The following PTPRE variants were observed in gnomAD, a reference collection of about 807,000 sequenced individuals.
PTPRE encodes the protein receptor-type tyrosine-protein phosphatase epsilon.
A neutral mutation model predicts 102.0 loss-of-function variants in PTPRE; 51 were observed. The observed-to-expected ratio is 0.50, with a 90% CI of 0.40 to 0.63. PTPRE has a LOEUF of 0.63. PTPRE is among the 30% of genes least tolerant of loss of function. The pLI is 0.00. For missense variants in PTPRE, 752 were observed against 915.1 expected (o/e 0.82, Z 2.30); for synonymous variants, 345 against 348.2 (o/e 0.99, Z 0.10).
chr10:127,977,216 C>A (rs1361194821), intron 1 of PTPRE, among the ~76,000 whole-genome samples: 4 of 152,188 alleles, frequency 2.6e-5, no homozygotes, highest in Non-Finnish European at 5.9e-5. Context: ...GATTGAGGAA[C>A]TTGGCTCCGG....
intron 19 of PTPRE, 76 bp from the exon 20 acceptor site, chr10:128,079,484 G>A: frequency 6.5e-7 from 1 of 1,542,088 alleles, no homozygotes; most frequent in Non-Finnish European, 8.8e-7. Context: ...GATATGCAGG[G>A]GTTGGCTGTC....
chr10:128,066,914 C>CCA (rs1850152625), intron 11 of PTPRE, among the ~76,000 whole-genome samples: 2 of 149,910 alleles, frequency 1.3e-5, no homozygotes, highest in Non-Finnish European at 3.0e-5. Context: ...ACACATACTC[C>CCA]CACACACAGG....
At chr10:128,003,951 C>T (rs557676261) in intron 2 of PTPRE, among the ~76,000 whole-genome samples, 1 of 152,044 alleles carries the variant, frequency 6.6e-6, no homozygotes, top group Admixed American at 6.6e-5. Context: ...GCGCGTCTGC[C>T]AGGACCACAG....
In PTPRE at chr10:128,079,162, C is replaced by T. The variant is rs188131176; in HGVS notation, c.1893-398C>T. On this transcript the variant is annotated intron_variant, in intron 19 of 20. Coordinates refer to ENST00000254667, the MANE Select transcript of PTPRE (RefSeq NM_006504.6). ...TAAGGAGAGGGTATGCCAAGATTAC[C>T]TCCTTCCTAGACCTGAACTGGGAGG... Among the ~76,000 whole-genome samples, 178 of 152,256 alleles carry T rather than the reference C, an allele frequency of 1.2e-3. 2 individuals carry two copies. Among genetic ancestry groups the T allele is most frequent in the Admixed American group, 0.011 (174 of 15,290 alleles).
intron 1 of PTPRE, among the ~76,000 whole-genome samples, chr10:127,940,230 C>T (rs1303833736): frequency 1.3e-5 from 2 of 152,112 alleles, no homozygotes; most frequent in East Asian, 1.9e-4. Flanking sequence ...CAGGACCTCT[C>T]TCTAAACACT....
Position 128,055,906 on chromosome 10 carries a change from C to T in PTPRE, c.421-217C>T, listed in dbSNP as rs147627764. 7.3e-3 allele frequency among the ~76,000 whole-genome samples: 1,110 copies of T among 152,338 alleles called. 11 individuals carry two copies. The highest frequency in any genetic ancestry group is 9.6e-3 in the Non-Finnish European group (651 of 68,038). On this transcript the variant is annotated intron_variant, in intron 6 of 20. Coordinates refer to ENST00000254667, the MANE Select transcript of PTPRE (RefSeq NM_006504.6). The stretch of plus-strand genomic sequence containing the variant: ...CCATCACTTTGGCCACACCACTGTT[C>T]ACCCCACATGAAAGAGCACCCTGGG...
chr10:128,014,273 T>C (rs1031863850), intron 2 of PTPRE, among the ~76,000 whole-genome samples: 5 of 152,190 alleles, frequency 3.3e-5, no homozygotes, highest in Admixed American at 2.6e-4. Flanking sequence ...CTCTGAGTTA[T>C]AAAATATGGA....
chr10:128,040,934 G>C lies in PTPRE; in HGVS notation c.53G>C (p.Arg18Thr), dbSNP rs199705745. Reference protein sequence around the residue: ...LLVGFSLPLARALRGNETTAD... With the variant: ...LLVGFSLPLATALRGNETTAD... Reference sequence around the variant, plus strand: ...GTGGGTTTTAGCTTGCCGCTCGCCAGGGCTCTCAGGGGCAACGAGACCACT... The same window carrying C: ...GTGGGTTTTAGCTTGCCGCTCGCCACGGCTCTCAGGGGCAACGAGACCACT... The change falls in exon 3 of 21, where the codon AGG becomes ACG. Residue 18 changes from arginine to threonine, a missense_variant. Transcript: ENST00000254667. 1.1e-5 allele frequency: 17 copies of C among 1,613,894 alleles called. No individual in the cohort carries two copies. Among genetic ancestry groups the C allele is most frequent in the Non-Finnish European group, 1.4e-5 (16 of 1,180,002 alleles).
intron 6 of PTPRE, among the ~76,000 whole-genome samples, chr10:128,055,661 C>G (rs564794673): frequency 6.6e-6 from 1 of 152,142 alleles, no homozygotes; most frequent in Non-Finnish European, 1.5e-5. Context: ...CTCCCAGGAC[C>G]GCTCTATTCA....
chr10:128,070,279 G>A lies in PTPRE; in HGVS notation c.1144-22G>A. On this transcript the variant is annotated intron_variant, in intron 13 of 20. Coordinates refer to ENST00000254667, the MANE Select transcript of PTPRE (RefSeq NM_006504.6). This position sits in a 1 kb window ranked among gnomAD's most constrained non-coding sequence, Gnocchi z 4.8. ...ACTGCAGGGCAGAGTTGAGGGTGTG[G>A]GCACCCCTGGCCTCTCTGCAGATGC... 1 of 1,585,972 alleles carries A rather than the reference G, an allele frequency of 6.3e-7. No homozygotes were observed. Among genetic ancestry groups the A allele is most frequent in the African/African-American group, 1.3e-5 (1 of 74,552 alleles).
rs1390807444 is a variant in PTPRE at position 127,907,496 on chromosome 10, C to T, written c.-31+187C>T. ...CCAGTACCAGCGGCTGGGGCCCGTACGACCCCCGACCCCGGCCTGTGGCGC... is the reference window on the plus strand; with the variant it reads ...CCAGTACCAGCGGCTGGGGCCCGTATGACCCCCGACCCCGGCCTGTGGCGC... On this transcript the variant is annotated intron_variant, in intron 1 of 20. Coordinates refer to ENST00000254667, the MANE Select transcript of PTPRE (RefSeq NM_006504.6). The surrounding 1 kb of genome is among the most constrained non-coding windows in gnomAD (Gnocchi z 4.8). 4.0e-5 allele frequency among the ~76,000 whole-genome samples: 6 copies of T among 151,596 alleles called. No individual in the cohort carries two copies. In the East Asian group the frequency reaches 7.9e-4, roughly 20 times the overall value.
At chr10:127,989,572 C>T (rs577096611) in intron 2 of PTPRE, among the ~76,000 whole-genome samples, 126 of 152,332 alleles carry the variant, frequency 8.3e-4, no homozygotes, top group African/African-American at 2.6e-3. Flanking sequence ...CAGCGGTGCT[C>T]TCTCGGACTG....
chr10:128,060,860 C>A, intron 7 of PTPRE, 79 bp from the exon 8 acceptor site: 3 of 1,394,992 alleles, frequency 2.2e-6, no homozygotes, highest in South Asian at 1.2e-5. Flanking sequence ...GATGAAGAGA[C>A]AGCACTGTGA....
intron 2 of PTPRE, among the ~76,000 whole-genome samples, chr10:128,011,436 T>G (rs1024524135): frequency 6.6e-6 from 1 of 152,188 alleles, no homozygotes; most frequent in African/African-American, 2.4e-5. Context: ...AGGCGCGGGT[T>G]AGGAAGGTTC....
At chr10:127,990,586 G>A (rs924310517) in intron 2 of PTPRE, among the ~76,000 whole-genome samples, 11 of 152,172 alleles carry the variant, frequency 7.2e-5, no homozygotes, top group Non-Finnish European at 1.0e-4. Flanking sequence ...GTGCTGGTCT[G>A]GATTTGGAGT....
At chr10:127,999,339 T>G (rs1853627751) in intron 2 of PTPRE, 1 of 164,470 alleles carries the variant, frequency 6.1e-6, no homozygotes, top group Non-Finnish European at 1.3e-5. Context: ...AATTTAGTTT[T>G]GCTTTGCAAG....
Position 128,084,670 on chromosome 10 carries a change from C to T in PTPRE, c.*1764C>T, listed in dbSNP as rs756885694. On this transcript the variant is annotated 3_prime_UTR_variant, in exon 21 of 21. Transcript: ENST00000254667. Reference sequence around the variant, plus strand: ...GAGGAAAATGGAGCTTTTTGAGGCTCGCCAGGTCCCTTTTGTTTTCACCAT... The same window carrying T: ...GAGGAAAATGGAGCTTTTTGAGGCTTGCCAGGTCCCTTTTGTTTTCACCAT... The T allele has an allele frequency of 2.6e-5, 4 of 153,288 alleles. No individual in the cohort carries two copies. The highest frequency in any genetic ancestry group is 3.8e-4 in the East Asian group (2 of 5,226). 9.5% of individuals were successfully genotyped at this position (153,288 alleles called of 1,614,324 possible).
intron 5 of PTPRE, among the ~76,000 whole-genome samples, chr10:128,048,210 T>G (rs982256069): frequency 6.6e-6 from 1 of 152,314 alleles, no homozygotes. Flanking sequence ...TGCTTTAGGA[T>G]CCAGCTGGAA....
intron 2 of PTPRE, among the ~76,000 whole-genome samples, chr10:128,029,771 C>A (rs931491786): frequency 6.6e-6 from 1 of 152,250 alleles, no homozygotes; most frequent in Non-Finnish European, 1.5e-5. Flanking sequence ...TAAGCCCAGG[C>A]CTGCCTAAGG....
Sources: gnomAD v4.1 joint callset for allele counts (sites outside exome capture counted in the v4.1 genomes callset) on GRCh38, gnomAD v4.1.1 for gene constraint, Gnocchi (gnomAD v3.1) non-coding constraint, MANE v1.5 for transcripts, NCBI Gene and HGNC (gene_info 2026-07-23, HGNC 2026-07-21) for gene names.